Variants in CROT observed in about 807,000 individuals in gnomAD.
The protein encoded by CROT is carnitine O-octanoyltransferase, also known as peroxisomal carnitine O-octanoyltransferase.
CROT carries 84 observed loss-of-function variants against 89.2 expected under a neutral mutation model. The ratio of observed to expected loss-of-function variants is 0.94; its 90% confidence interval spans 0.79 to 1.13. CROT has a LOEUF of 1.13. Ranked by LOEUF, CROT falls within the 50% of genes most tolerant of loss-of-function variation. The pLI is 0.00. For synonymous variants in CROT, 212 were observed against 239.5 expected (o/e 0.89, Z 1.06); for missense variants, 711 against 727.8 (o/e 0.98, Z 0.27).
At chr7:87,353,039 C>G (rs964891699) in intron 3 of CROT, among the ~76,000 whole-genome samples, 2 of 152,176 alleles carry the variant, frequency 1.3e-5, no homozygotes, top group African/African-American at 4.8e-5. Context: ...GCTATATGTA[C>G]TCAGGAGTCA....
Position 87,392,580 on chromosome 7 carries a change from G to C in CROT, c.1440G>C (p.Gln480His). ...QDPSVNLRER[Q>H]QKMLQAFAKH... ...TTTTAATACAGCTTCGTGAGCGGCA[G>C]CAAAAGATGTTACAAGCTTTTGCAA... Residue 480 changes from glutamine to histidine, a missense_variant, in exon 15 of 18, where the codon CAG becomes CAC. Physicochemically the swap from Gln to His is conservative, Grantham distance 24 (BLOSUM62 0). Transcript: ENST00000331536. 6.2e-7 allele frequency: 1 copy of C among 1,613,226 alleles called. No individual in the cohort carries two copies. The highest frequency in any genetic ancestry group is 1.3e-5 in the African/African-American group (1 of 74,982).
At chr7:87,358,787 C>T (rs1041393031) in intron 3 of CROT, among the ~76,000 whole-genome samples, 1 of 152,118 alleles carries the variant, frequency 6.6e-6, no homozygotes, top group African/African-American at 2.4e-5. Flanking sequence ...GAGGCAAGCA[C>T]ACTCATTATC....
intron 6 of CROT, among the ~76,000 whole-genome samples, chr7:87,365,460 G>A (rs1218524918): frequency 5.3e-5 from 8 of 150,938 alleles, no homozygotes; most frequent in Non-Finnish European, 8.9e-5. Flanking sequence ...ACTGCACTCC[G>A]GCCTGGGCGG....
Position 87,378,190 on chromosome 7 carries a change from A to G in CROT, c.978+740A>G, listed in dbSNP as rs1034348324. Reference sequence around the variant, plus strand: ...GAAACCCCGTCTCTACAAAAAATACAAAAATTAGCCTCACATGGTGTTGTG... The same window carrying G: ...GAAACCCCGTCTCTACAAAAAATACGAAAATTAGCCTCACATGGTGTTGTG... On this transcript the variant is annotated intron_variant, in intron 10 of 17. Coordinates refer to ENST00000331536, the MANE Select transcript of CROT (RefSeq NM_021151.4). 5.3e-5 allele frequency among the ~76,000 whole-genome samples: 8 copies of G among 151,976 alleles called. No homozygotes were observed. The East Asian group carries it at 1.2e-3, about 22-fold the overall frequency.
Position 87,350,007 on chromosome 7 carries a change from A to G in CROT, c.115+824A>G, listed in dbSNP as rs115257518. ...TTAATATACTAGGTTAGTAAATAGA[A>G]AGGTGAAACAGCTGCTAAACTATTT... is the stretch of plus-strand genomic sequence containing the variant. On this transcript the variant is annotated intron_variant, in intron 3 of 17. Coordinates refer to ENST00000331536, the MANE Select transcript of CROT (RefSeq NM_021151.4). 4.1e-3 allele frequency among the ~76,000 whole-genome samples: 626 copies of G among 152,320 alleles called. 8 individuals are homozygous for G. Among genetic ancestry groups the G allele is most frequent in the African/African-American group, 0.014 (583 of 41,566 alleles).
chr7:87,385,439 A>G (rs1338199880), intron 13 of CROT, among the ~76,000 whole-genome samples: 1 of 151,758 alleles, frequency 6.6e-6, no homozygotes, highest in South Asian at 2.1e-4. Flanking sequence ...GGTATTTTAT[A>G]TTCTTTGTAG....
intron 10 of CROT, among the ~76,000 whole-genome samples, chr7:87,381,032 G>T (rs1157623643): frequency 6.6e-6 from 1 of 152,228 alleles, no homozygotes; most frequent in South Asian, 2.1e-4. Context: ...TATAGGCTCC[G>T]CTGGGCCATG....
chr7:87,396,425 C>T (rs918200967), intron 17 of CROT, among the ~76,000 whole-genome samples: 2 of 152,102 alleles, frequency 1.3e-5, no homozygotes, highest in African/African-American at 2.4e-5. Flanking sequence ...CTCACAGAAG[C>T]GTTCTGATTA....
At chr7:87,391,426 T>C (rs1807352918) in intron 13 of CROT, among the ~76,000 whole-genome samples, 163 bp from the exon 14 acceptor site, 1 of 152,188 alleles carries the variant, frequency 6.6e-6, no homozygotes. Context: ...TATTTTTTGC[T>C]CTTTGGTATT....
intron 16 of CROT, 34 bp from the exon 17 acceptor site, chr7:87,392,914 G>T (rs1297427905): frequency 1.2e-6 from 2 of 1,612,714 alleles, no homozygotes; most frequent in Middle Eastern, 1.7e-4. Flanking sequence ...GCATCTGTAG[G>T]CCTAGTAAAA....
At chr7:87,352,485 G>C (rs802038) in intron 3 of CROT, among the ~76,000 whole-genome samples, 120,202 of 152,222 alleles carry the variant, frequency 0.79, 47,903 homozygotes, top group African/African-American at 0.89. Context: ...AGCCAAATGG[G>C]ACGGTTATAA....
At chr7:87,373,263 C>T (rs1806697243) in intron 7 of CROT, among the ~76,000 whole-genome samples, 1 of 152,082 alleles carries the variant, frequency 6.6e-6, no homozygotes, top group African/African-American at 2.4e-5. Context: ...TAATCAGATA[C>T]TTGGCCAATT....
Position 87,362,803 on chromosome 7 carries a change from A to G in CROT, c.547+951A>G, listed in dbSNP as rs559763233. Among the ~76,000 whole-genome samples, 6 of 152,288 alleles carry G rather than the reference A, an allele frequency of 3.9e-5. 1 individual carries two copies. In the South Asian group the frequency reaches 8.3e-4, roughly 21 times the overall value. On this transcript the variant is annotated intron_variant, in intron 6 of 17. Coordinates refer to ENST00000331536, the MANE Select transcript of CROT (RefSeq NM_021151.4). ...TTTTTCTTACATAAAATGTTATTTA[A>G]AAGTAAAATATTTATAGCCAATCAT...
At chr7:87,352,094 G>C (rs1255649529) in intron 3 of CROT, among the ~76,000 whole-genome samples, 1 of 152,196 alleles carries the variant, frequency 6.6e-6, no homozygotes, top group Non-Finnish European at 1.5e-5. Flanking sequence ...GAAAGATATG[G>C]CAAGTCATGT....
intron 6 of CROT, among the ~76,000 whole-genome samples, chr7:87,362,138 GA>G (rs1806297510): frequency 6.6e-6 from 1 of 152,104 alleles, no homozygotes; most frequent in South Asian, 2.1e-4. Flanking sequence ...AGAAAATCCT[GA>G]AACATGAAAC....
At position 87,391,724 on chromosome 7, in the gene CROT, A is replaced by G. The variant is rs1807367533; in HGVS notation, c.1425+12A>G. ...ATCCTTCTGTCAATGTGAGTATTGGAAAGGAAAAAAACTCACAAGATTTGT... is the reference window on the plus strand; with the variant it reads ...ATCCTTCTGTCAATGTGAGTATTGGGAAGGAAAAAAACTCACAAGATTTGT... On this transcript the variant is annotated intron_variant, in intron 14 of 17. Coordinates refer to ENST00000331536, the MANE Select transcript of CROT (RefSeq NM_021151.4). 6.3e-7 allele frequency: 1 copy of G among 1,598,208 alleles called. No individual in the cohort carries two copies.
rs1472732073 is a variant in CROT, at chr7:87,357,397, T to G, written c.116-1809T>G. On this transcript the variant is annotated intron_variant, in intron 3 of 17. Coordinates refer to ENST00000331536, the MANE Select transcript of CROT (RefSeq NM_021151.4). ...CTCTAACCCCATTGGGCTAGAAATA[T>G]TATCCTTGATAGGATGCCAAGACAG... 2.1e-6 allele frequency: 3 copies of G among 1,418,020 alleles called. No homozygotes were observed. The East Asian group carries it at 7.5e-5, about 35-fold the overall frequency. 87.8% of individuals were successfully genotyped at this position (1,418,020 alleles called of 1,614,324 possible).
chr7:87,368,841 T>C (rs577799964), intron 6 of CROT, among the ~76,000 whole-genome samples: 1 of 152,332 alleles, frequency 6.6e-6, no homozygotes, highest in African/African-American at 2.4e-5. Context: ...AAATCAGAGA[T>C]AATCCATTGT....
Position 87,345,701 on chromosome 7 carries a change from G to A in CROT, c.-179G>A, listed in dbSNP as rs1034072460. ...GCACCTTTGAGGCCCAAGGGGGAGC[G>A]AGCCGGTGCTGCTGCAGGCTGAGGC... On this transcript the variant is annotated 5_prime_UTR_variant, in exon 1 of 18. Transcript: ENST00000331536. 2.7e-6 allele frequency: 1 copy of A among 369,190 alleles called. No individual in the cohort carries two copies. Among genetic ancestry groups the A allele is most frequent in the East Asian group, 3.9e-5 (1 of 25,646 alleles). The allele number at this position is 369,190 out of a possible 1,614,324, so 22.9% of individuals were successfully genotyped here.
Sources: allele counts gnomAD v4.1 joint callset (sites outside exome capture counted in the v4.1 genomes callset), GRCh38; gene constraint gnomAD v4.1.1; transcripts MANE v1.5; gene names NCBI Gene and HGNC (gene_info 2026-07-23, HGNC 2026-07-21).